CCDC152: variants seen among roughly 807,000 people sequenced by gnomAD.
CCDC152 encodes coiled-coil domain-containing protein 152.
Under a neutral mutation model 38.1 loss-of-function variants are expected in CCDC152, and 37 were observed. The observed-to-expected ratio is 0.97, with a 90% CI of 0.75 to 1.28. CCDC152 has a LOEUF of 1.28. CCDC152 is among the 50% of genes most tolerant of loss of function. CCDC152 has a pLI of 0.00. For missense variants in CCDC152, 259 were observed against 292.1 expected (o/e 0.89, Z 0.83); for synonymous variants, 83 against 87.1 (o/e 0.95, Z 0.26).
In CCDC152 at chr5:42,801,147, G is replaced by A. The variant is rs1258743662; in HGVS notation, c.*1366G>A. The A allele has an allele frequency of 1.2e-6, 2 of 1,614,046 alleles. No individual in the cohort carries two copies. Among genetic ancestry groups the A allele is most frequent in the East Asian group, 2.2e-5 (1 of 44,892 alleles). On this transcript the variant is annotated 3_prime_UTR_variant, in exon 9 of 9. Coordinates refer to ENST00000361970, the MANE Select transcript of CCDC152 (RefSeq NM_001134848.2). Reference sequence around the variant, plus strand: ...CTTATGGTGGTGATGAAGGCCTGGAGGAGCAGGATGAGTAGGAGCATTTGG... The same window carrying A: ...CTTATGGTGGTGATGAAGGCCTGGAAGAGCAGGATGAGTAGGAGCATTTGG...
intron 5 of CCDC152, among the ~76,000 whole-genome samples, chr5:42,781,432 A>G (rs1579715529): frequency 1.3e-5 from 2 of 152,218 alleles, no homozygotes; most frequent in South Asian, 4.1e-4. Flanking sequence ...AATGTATGCC[A>G]ATTTTTAATT....
intron 4 of CCDC152, among the ~76,000 whole-genome samples, chr5:42,770,614 A>G (rs1044121116): frequency 8.5e-5 from 13 of 152,100 alleles, no homozygotes; most frequent in African/African-American, 3.1e-4. Context: ...TGCTTGGGCT[A>G]TTTGAGGTCT....
intron 2 of CCDC152, among the ~76,000 whole-genome samples, chr5:42,760,684 CCTT>C (rs753337628): frequency 6.6e-6 from 1 of 152,130 alleles, no homozygotes; most frequent in Non-Finnish European, 1.5e-5. Context: ...CTTTTCTATT[CCTT>C]CTTTTCGTCA....
At position 42,801,041 on chromosome 5, in the gene CCDC152, C is replaced by G; in HGVS notation, c.*1260C>G. On this transcript the variant is annotated 3_prime_UTR_variant, in exon 9 of 9. Transcript: ENST00000361970. ...GATTTATACATCTCTTTCGACAGAG[C>G]TTCTTTTGTAAATCTTGTAAATCTT... is the stretch of plus-strand genomic sequence containing the variant. 6.2e-7 allele frequency: 1 copy of G among 1,614,220 alleles called. No homozygotes were observed. The highest frequency in any genetic ancestry group is 8.5e-7 in the Non-Finnish European group (1 of 1,180,036).
intron 4 of CCDC152, among the ~76,000 whole-genome samples, chr5:42,778,261 C>A (rs943114421): frequency 7.2e-5 from 11 of 152,140 alleles, no homozygotes; most frequent in African/African-American, 2.4e-4. Context: ...TTTGCTACAA[C>A]CACCTAAAGG....
chr5:42,790,987 T>G (rs1169886900), intron 6 of CCDC152, among the ~76,000 whole-genome samples: 1 of 152,154 alleles, frequency 6.6e-6, no homozygotes, highest in Non-Finnish European at 1.5e-5. Context: ...ATGTAGCAAC[T>G]CTTCTGTGGT....
intron 2 of CCDC152, among the ~76,000 whole-genome samples, chr5:42,759,615 G>A (rs1441838008): frequency 6.6e-6 from 1 of 152,160 alleles, no homozygotes; most frequent in African/African-American, 2.4e-5. Context: ...GAGTAGCACG[G>A]TGAAATCTTC....
chr5:42,801,381 T>G lies in CCDC152; in HGVS notation c.*1600T>G. On this transcript the variant is annotated 3_prime_UTR_variant, in exon 9 of 9. Coordinates refer to ENST00000361970, the MANE Select transcript of CCDC152 (RefSeq NM_001134848.2). ...TTTAACAAGCTTATAGAGATAGGAA[T>G]AATGCGTGAAAAATGATTTGTAGAG... 3.0e-5 allele frequency: 39 copies of G among 1,283,556 alleles called. No individual in the cohort carries two copies. Among genetic ancestry groups the G allele is most frequent in the Non-Finnish European group, 3.7e-5 (34 of 928,162 alleles). The allele number at this position is 1,283,556 out of a possible 1,614,324, so 79.5% of individuals were successfully genotyped here. A position where few individuals can be genotyped will look rare whatever the true frequency, so the allele number is the denominator to read the frequency against.
At chr5:42,799,634 A>G (rs931783138) in intron 8 of CCDC152, 25 bp from the exon 9 acceptor site, 8 of 1,507,318 alleles carry the variant, frequency 5.3e-6, no homozygotes, top group African/African-American at 1.4e-5. Flanking sequence ...CTGAATTCTA[A>G]TAACAAATTT....
In CCDC152 at chr5:42,762,012, T is replaced by C. The variant is rs140740683; in HGVS notation, c.88-431T>C. Among the ~76,000 whole-genome samples the C allele has an allele frequency of 2.0e-4, 31 of 152,334 alleles. 3 individuals are homozygous for C. Among genetic ancestry groups the C allele is most frequent in the African/African-American group, 7.2e-4 (30 of 41,574 alleles). The stretch of plus-strand genomic sequence containing the variant: ...AGGCAATTTTATCATTGTGTGAATG[T>C]TATAGAGTATATTTACGCAAACCTA... On this transcript the variant is annotated intron_variant, in intron 2 of 8. Transcript: ENST00000361970.
At chr5:42,770,248 G>A (rs549844544) in intron 4 of CCDC152, among the ~76,000 whole-genome samples, 1 of 152,056 alleles carries the variant, frequency 6.6e-6, no homozygotes, top group Non-Finnish European at 1.5e-5. Flanking sequence ...TGCCTTAAAG[G>A]CCCCTTCCAC....
rs554717859 is a variant in CCDC152, at chr5:42,761,112, T to C, written c.88-1331T>C. 7.9e-5 allele frequency among the ~76,000 whole-genome samples: 12 copies of C among 152,268 alleles called. No individual in the cohort carries two copies. The East Asian group carries it at 2.3e-3, about 29-fold the overall frequency. On this transcript the variant is annotated intron_variant, in intron 2 of 8. Transcript: ENST00000361970. ...GCAGTGGATAGAGATACAGATGATA[T>C]AAGACTGTTCATGAGTTGATTTTTG...
Position 42,779,489 on chromosome 5 carries a change from T to C in CCDC152, c.294T>C (p.Asp98=), listed in dbSNP as rs1182318258. Residue 98 remains aspartate (D), a synonymous_variant, in exon 5 of 9, where the codon GAT becomes GAC. Transcript: ENST00000361970. ...GENEQLKISA[D]LIKEKLKSHE... Reference sequence around the variant, plus strand: ...ATGAACAACTAAAAATAAGTGCTGATCTTATAAAAGAGAAGTTAAAGTCTC... The same window carrying C: ...ATGAACAACTAAAAATAAGTGCTGACCTTATAAAAGAGAAGTTAAAGTCTC... 6 of 1,518,960 alleles carry C rather than the reference T, an allele frequency of 4.0e-6. No homozygotes were observed. Among genetic ancestry groups the C allele is most frequent in the Non-Finnish European group, 4.5e-6 (5 of 1,117,748 alleles). 94.1% of individuals were successfully genotyped at this position (1,518,960 alleles called of 1,614,324 possible).
intron 4 of CCDC152, among the ~76,000 whole-genome samples, chr5:42,774,890 A>G (rs1379465694): frequency 6.6e-6 from 1 of 152,224 alleles, no homozygotes; most frequent in East Asian, 1.9e-4. Flanking sequence ...TAAACAGTGT[A>G]ACACAAATGA....
At chr5:42,798,067 C>T (rs1051142060) in intron 7 of CCDC152, among the ~76,000 whole-genome samples, 1 of 152,178 alleles carries the variant, frequency 6.6e-6, no homozygotes, top group African/African-American at 2.4e-5. Flanking sequence ...AGGAGAATCA[C>T]TTGAACCCGG....
chr5:42,796,683 C>T, intron 6 of CCDC152, 146 bp from the exon 7 acceptor site: 1 of 502,490 alleles, frequency 2.0e-6, no homozygotes, highest in Non-Finnish European at 3.2e-6. Context: ...CATAGAAAAG[C>T]TATTCTATAC....
At chr5:42,792,595 G>A (rs3870359) in intron 6 of CCDC152, among the ~76,000 whole-genome samples, 39,393 of 152,018 alleles carry the variant, frequency 0.26, 5,696 homozygotes, top group Admixed American at 0.38. Context: ...TATACTAGGA[G>A]CTACCAGTGC....
intron 6 of CCDC152, among the ~76,000 whole-genome samples, chr5:42,795,047 T>A (rs1472784619): frequency 6.6e-6 from 1 of 152,132 alleles, no homozygotes; most frequent in Non-Finnish European, 1.5e-5. Context: ...AGCTAGTTGA[T>A]TTAAACCCAA....
intron 4 of CCDC152, among the ~76,000 whole-genome samples, chr5:42,770,172 T>C (rs560373051): frequency 4.6e-5 from 7 of 152,348 alleles, no homozygotes; most frequent in African/African-American, 1.7e-4. Context: ...AAGTATTTTG[T>C]GCTGTTCTGA....
Sources: gnomAD v4.1 joint callset for allele counts (sites outside exome capture counted in the v4.1 genomes callset) on GRCh38, gnomAD v4.1.1 for gene constraint, MANE v1.5 for transcripts, NCBI Gene and HGNC (gene_info 2026-07-23, HGNC 2026-07-21) for gene names.